The following ZSCAN5A variants were observed in gnomAD, a reference collection of about 807,000 sequenced individuals.
The protein encoded by ZSCAN5A is zinc finger and SCAN domain containing 5A, also known as zinc finger and SCAN domain-containing protein 5A.
A neutral mutation model predicts 23.7 loss-of-function variants in ZSCAN5A; 12 were observed. That is an observed-to-expected ratio of 0.51 (90% CI 0.32 to 0.82). ZSCAN5A has a LOEUF of 0.82. Ranked by LOEUF, ZSCAN5A falls within the 40% of genes least tolerant of loss-of-function variation. The pLI is 0.03. For missense variants in ZSCAN5A, 597 were observed against 617.9 expected, an observed-to-expected ratio of 0.97 and a Z score of 0.36; for synonymous variants, 257 against 239.9, an observed-to-expected ratio of 1.07 and a Z score of -0.66.
intron 2 of ZSCAN5A, among the ~76,000 whole-genome samples, chr19:56,335,611 A>C (rs2041527939): frequency 6.6e-6 from 1 of 152,092 alleles, no homozygotes; most frequent in Non-Finnish European, 1.5e-5. Flanking sequence ...TTATGTGTGA[A>C]TTTGATCCTG....
Position 56,222,174 on chromosome 19 carries a change from T to C in ZSCAN5A, c.892A>G (p.Lys298Glu), listed in dbSNP as rs1320023602. Residue 298 changes from lysine (K) to glutamate (E), a missense_variant, in exon 6 of 6, where the codon AAA (lysine) becomes GAA (glutamate). By Grantham distance (56) the Lys-to-Glu change is moderately conservative (BLOSUM62 1). Transcript: ENST00000683990. ...GAGGAGGCATCTGGTTTGCTTCTTT[T>C]GGGACTGCTCAGATTCAGAGCGTCT... ...RGDALNLSSP[K>E]RSKPDASSIS... The C allele has an allele frequency of 5.6e-6, 9 of 1,613,984 alleles. No homozygotes were observed. The highest frequency in any genetic ancestry group is 7.6e-6 in the Non-Finnish European group (9 of 1,180,032).
rs376620359 is a variant in ZSCAN5A at position 56,222,702 on chromosome 19, C to T, written c.628G>A (p.Gly210Ser). 3.1e-6 allele frequency: 5 copies of T among 1,614,012 alleles called. No homozygotes were observed. The highest frequency in any genetic ancestry group is 4.2e-6 in the Non-Finnish European group (5 of 1,180,032). ...FLLHKSIDVT[G>S]DPKSLRPKQT... ...TTGGGTCTCAGAGACTTTGGGTCAC[C>T]TGTTACGTCAATACTCTTGTGTAGC... Residue 210 changes from glycine (G) to serine (S), a missense_variant, in exon 5 of 6, where the codon GGT (glycine) becomes AGT (serine). Physicochemically the swap from Gly to Ser is moderately conservative, Grantham distance 56. Transcript: ENST00000683990.
intron 2 of ZSCAN5A, among the ~76,000 whole-genome samples, chr19:56,237,650 T>A (rs1335042782): frequency 3.9e-5 from 6 of 152,160 alleles, no homozygotes; most frequent in Non-Finnish European, 8.8e-5. Flanking sequence ...CGGGGCGCGG[T>A]GGCTCATGCC....
At chr19:56,346,483 G>A (rs1472482326) in intron 2 of ZSCAN5A, among the ~76,000 whole-genome samples, 1 of 150,870 alleles carries the variant, frequency 6.6e-6, no homozygotes, top group African/African-American at 2.4e-5. Context: ...GTTGCCTGAA[G>A]GAAAACCTGG....
At chr19:56,353,710 A>G (rs1248248393) in intron 2 of ZSCAN5A, among the ~76,000 whole-genome samples, 2 of 152,108 alleles carry the variant, frequency 1.3e-5, no homozygotes, top group East Asian at 3.9e-4. Context: ...TGAACCCGGG[A>G]GGCAGAGCTT....
At chr19:56,345,695 C>T (rs1049756211) in intron 2 of ZSCAN5A, among the ~76,000 whole-genome samples, 4 of 152,144 alleles carry the variant, frequency 2.6e-5, no homozygotes, top group Admixed American at 6.6e-5. Context: ...GCTCTCTGAG[C>T]TCTGGGCAGA....
chr19:56,229,564 G>C (rs904895300), intron 2 of ZSCAN5A, among the ~76,000 whole-genome samples: 1 of 152,176 alleles, frequency 6.6e-6, no homozygotes, highest in Non-Finnish European at 1.5e-5. Context: ...ACTGGGAGCT[G>C]CCTAAGCCAC....
chr19:56,244,099 G>C, intron 2 of ZSCAN5A: 9 of 1,464,932 alleles, frequency 6.1e-6, no homozygotes, highest in Non-Finnish European at 8.5e-6. Flanking sequence ...ACAGCCCTGA[G>C]TCAGAGCCGC....
chr19:56,284,140 T>G, intron 2 of ZSCAN5A: 1 of 985,358 alleles, frequency 1.0e-6, no homozygotes, highest in Non-Finnish European at 1.2e-6. Flanking sequence ...GACAACATTC[T>G]GGACCACGCA....
chr19:56,337,404 G>C (rs1286700655), intron 2 of ZSCAN5A, among the ~76,000 whole-genome samples: 1 of 152,232 alleles, frequency 6.6e-6, no homozygotes, highest in African/African-American at 2.4e-5. Context: ...ATAATCTCCT[G>C]GTGTGCCGTT....
At chr19:56,328,620 CATGACTCTGACTCAAAAAAAAAAA>C (rs1281823113) in intron 2 of ZSCAN5A, among the ~76,000 whole-genome samples, 1 of 150,446 alleles carries the variant, frequency 6.6e-6, no homozygotes, top group Non-Finnish European at 1.5e-5. Flanking sequence ...GGCTACAGAG[CATGACTCTGACTCAAAAAAAAAAA>C]ATTGTTCCAA....
intron 2 of ZSCAN5A, among the ~76,000 whole-genome samples, chr19:56,279,628 T>C: frequency 6.6e-6 from 1 of 152,198 alleles, no homozygotes; most frequent in South Asian, 2.1e-4. Flanking sequence ...ATCATGAGAA[T>C]CACATGGGAA....
chr19:56,254,911 G>C (rs1338942828), intron 2 of ZSCAN5A, among the ~76,000 whole-genome samples: 1 of 151,928 alleles, frequency 6.6e-6, no homozygotes, highest in Non-Finnish European at 1.5e-5. Flanking sequence ...TTGAGTTAGC[G>C]TTCTTTATAT....
chr19:56,346,020 G>C (rs2041629529), intron 2 of ZSCAN5A, among the ~76,000 whole-genome samples: 1 of 151,946 alleles, frequency 6.6e-6, no homozygotes, highest in South Asian at 2.1e-4. Flanking sequence ...TTTCTTTAAG[G>C]AACCTCAGAC....
chr19:56,300,057 G>A (rs1467421595), intron 2 of ZSCAN5A: 2 of 152,146 alleles, frequency 1.3e-5, no homozygotes, highest in African/African-American at 2.4e-5. Context: ...TTGATTGGGA[G>A]GGTATATCTG....
chr19:56,352,055 C>A lies in ZSCAN5A; in HGVS notation c.-358+11180G>T, dbSNP rs112518359. Among the ~76,000 whole-genome samples, 493 of 152,158 alleles carry A rather than the reference C, an allele frequency of 3.2e-3. 1 individual carries two copies. The highest frequency in any genetic ancestry group is 4.8e-3 in the Non-Finnish European group (326 of 67,998). ...TACTGATGGAGTGCCTTCTTTATGC[C>A]CTGCGCTTGGGTATGCTTTGGTGGA... On this transcript the variant is annotated intron_variant, in intron 2 of 6. Transcript: ENST00000587340. The surrounding 1 kb of genome is among the most constrained non-coding windows in gnomAD (Gnocchi z 4.2).
At chr19:56,242,840 G>A (rs1036738608) in intron 2 of ZSCAN5A, among the ~76,000 whole-genome samples, 16 of 152,126 alleles carry the variant, frequency 1.1e-4, no homozygotes, top group East Asian at 1.9e-4. Flanking sequence ...GTGCAATGGC[G>A]TGATGTCGGC....
intron 2 of ZSCAN5A, among the ~76,000 whole-genome samples, chr19:56,294,614 ACACAGTGAATGGG>A (rs2039737295): frequency 6.6e-6 from 1 of 152,216 alleles, no homozygotes; most frequent in Non-Finnish European, 1.5e-5. Flanking sequence ...CACAGACAAC[ACACAGTGAATGGG>A]CATGGCTGTG....
At chr19:56,242,842 G>A (rs993301204) in intron 2 of ZSCAN5A, among the ~76,000 whole-genome samples, 2 of 152,134 alleles carry the variant, frequency 1.3e-5, no homozygotes, top group Non-Finnish European at 2.9e-5. Flanking sequence ...GCAATGGCGT[G>A]ATGTCGGCTC....
Sources: gnomAD v4.1 joint callset for allele counts (sites outside exome capture counted in the v4.1 genomes callset) on GRCh38, gnomAD v4.1.1 for gene constraint, Gnocchi (gnomAD v3.1) non-coding constraint, MANE v1.5 for transcripts, NCBI Gene and HGNC (gene_info 2026-07-23, HGNC 2026-07-21) for gene names.